The following IGSF21 variants were observed in gnomAD, a reference collection of about 807,000 sequenced individuals.
IGSF21 encodes immunoglobulin superfamily member 21.
Under a neutral mutation model 46.8 loss-of-function variants are expected in IGSF21, and 28 were observed. That is an observed-to-expected ratio of 0.60 (90% confidence interval 0.44 to 0.82). IGSF21 has a LOEUF of 0.82. IGSF21 is among the 40% of genes least tolerant of loss of function. IGSF21 has a pLI of 0.00. For missense variants in IGSF21, 624 were observed against 665.5 expected, an observed-to-expected ratio of 0.94 and a Z score of 0.69; for synonymous variants, 284 against 273.6, an observed-to-expected ratio of 1.04 and a Z score of -0.38.
At chr1:18,252,286 C>T (rs367928585) in intron 2 of IGSF21, among the ~76,000 whole-genome samples, 9 of 151,930 alleles carry the variant, frequency 5.9e-5, no homozygotes, top group African/African-American at 1.7e-4. Flanking sequence ...CCTGACCTCG[C>T]GATCCACCCA....
chr1:18,134,531 A>G (rs931227688), intron 1 of IGSF21, among the ~76,000 whole-genome samples: 3 of 152,202 alleles, frequency 2.0e-5, no homozygotes, highest in South Asian at 2.1e-4. Context: ...TATCTGAGAC[A>G]TAAGCATTTA....
chr1:18,328,302 C>T (rs753725040), intron 3 of IGSF21, among the ~76,000 whole-genome samples: 2 of 152,156 alleles, frequency 1.3e-5, no homozygotes, highest in Admixed American at 6.5e-5. Flanking sequence ...AGCCTACACT[C>T]GGGCAAAATA....
At chr1:18,259,615 A>G (rs1457990964) in intron 2 of IGSF21, among the ~76,000 whole-genome samples, 2 of 152,150 alleles carry the variant, frequency 1.3e-5, no homozygotes, top group Admixed American at 6.5e-5. Flanking sequence ...TTTCCTCCTG[A>G]CATTTTATAT....
At chr1:18,179,526 T>C (rs1360481746) in intron 1 of IGSF21, among the ~76,000 whole-genome samples, 2 of 152,222 alleles carry the variant, frequency 1.3e-5, no homozygotes, top group Non-Finnish European at 1.5e-5. Context: ...TAATTCTATA[T>C]TCATTATTAT....
At chr1:18,332,306 A>C (rs2085721312) in intron 3 of IGSF21, among the ~76,000 whole-genome samples, 1 of 152,142 alleles carries the variant, frequency 6.6e-6, no homozygotes, top group Non-Finnish European at 1.5e-5. Context: ...CCAGCTACAC[A>C]TGTCTCCTGA....
At chr1:18,250,131 C>CTCCCTCCT (rs2084826214) in intron 2 of IGSF21, among the ~76,000 whole-genome samples, 2 of 141,590 alleles carry the variant, frequency 1.4e-5, no homozygotes, top group African/African-American at 5.2e-5. Context: ...CCCTCCCTCC[C>CTCCCTCCT]TCTCCTGCTC....
chr1:18,287,971 C>G (rs1739111), intron 2 of IGSF21, among the ~76,000 whole-genome samples: 127,734 of 152,108 alleles, frequency 0.84, 53,843 homozygotes, highest in East Asian at 0.97. Context: ...CACAGAAAAA[C>G]AGATGGTCCA....
chr1:18,108,474 G>T (rs1292820417), intron 1 of IGSF21, among the ~76,000 whole-genome samples: 1 of 151,956 alleles, frequency 6.6e-6, no homozygotes, highest in African/African-American at 2.4e-5. Context: ...TGGGCAGAAG[G>T]TGCGGGAGTG....
In IGSF21 at chr1:18,310,685, A is replaced by G. The variant is rs78302226; in HGVS notation, c.305+18698A>G. 6.2e-3 allele frequency among the ~76,000 whole-genome samples: 939 copies of G among 152,322 alleles called. 7 individuals carry two copies. The highest frequency in any genetic ancestry group is 0.021 in the African/African-American group (889 of 41,564). ...GCCAAGGCTGCTGTAACAAAATGCC[A>G]CAAACTGGGAGGCTTAAAACAACAG... On this transcript the variant is annotated intron_variant, in intron 3 of 9. Transcript: ENST00000251296.
Position 18,192,745 on chromosome 1 carries a change from C to T in IGSF21, c.71-35153C>T, listed in dbSNP as rs573858400. On this transcript the variant is annotated intron_variant, in intron 1 of 9. Transcript: ENST00000251296. ...CTTGGTGGACAATAGCCAGTTGCTTCCATACTCTGAGTTTAATTTTGGTTT... is the reference window on the plus strand; with the variant it reads ...CTTGGTGGACAATAGCCAGTTGCTTTCATACTCTGAGTTTAATTTTGGTTT... Among the ~76,000 whole-genome samples, 94 of 152,180 alleles carry T rather than the reference C, an allele frequency of 6.2e-4. 2 individuals are homozygous for T. Among genetic ancestry groups the T allele is most frequent in the Non-Finnish European group, 1.5e-5 (1 of 68,008 alleles).
chr1:18,282,635 TACACACACAC>T (rs10522294), intron 2 of IGSF21, among the ~76,000 whole-genome samples: 6 of 137,646 alleles, frequency 4.4e-5, no homozygotes, highest in East Asian at 4.4e-4. Context: ...TCCCCTTACA[TACACACACAC>T]ACACACACAC....
At chr1:18,315,089 A>G (rs1390009349) in intron 3 of IGSF21, among the ~76,000 whole-genome samples, 1 of 152,038 alleles carries the variant, frequency 6.6e-6, no homozygotes, top group Non-Finnish European at 1.5e-5. Context: ...CTGTGGCTGG[A>G]GTGAAGGGAG....
intron 3 of IGSF21, 44 bp downstream of exon 3, chr1:18,292,031 AG>A (rs1433837814): frequency 6.9e-7 from 1 of 1,439,888 alleles, no homozygotes; most frequent in Non-Finnish European, 9.6e-7. Context: ...GGAAGGGCGG[AG>A]GGATGGGGAG....
At chr1:18,310,844 T>G (rs2085481977) in intron 3 of IGSF21, among the ~76,000 whole-genome samples, 2 of 152,140 alleles carry the variant, frequency 1.3e-5, no homozygotes, top group African/African-American at 2.4e-5. Context: ...CAGCAGTCCT[T>G]GGCATTCGTT....
chr1:18,310,477 G>A (rs1431240281), intron 3 of IGSF21, among the ~76,000 whole-genome samples: 1 of 152,224 alleles, frequency 6.6e-6, no homozygotes, highest in African/African-American at 2.4e-5. Context: ...GACCTTATTA[G>A]TTTATTTACC....
intron 2 of IGSF21, among the ~76,000 whole-genome samples, chr1:18,259,808 C>A (rs897696495): frequency 1.3e-5 from 2 of 152,138 alleles, no homozygotes; most frequent in African/African-American, 2.4e-5. Flanking sequence ...GAGGCCACAG[C>A]ATGTGTAGGC....
chr1:18,255,334 A>G (rs1437486413), intron 2 of IGSF21, among the ~76,000 whole-genome samples: 1 of 152,130 alleles, frequency 6.6e-6, no homozygotes, highest in Non-Finnish European at 1.5e-5. Flanking sequence ...TCCAAGCAGG[A>G]TGGTTTTTGT....
At chr1:18,226,420 A>G (rs1261372440) in intron 1 of IGSF21, among the ~76,000 whole-genome samples, 1 of 152,140 alleles carries the variant, frequency 6.6e-6, no homozygotes, top group African/African-American at 2.4e-5. Flanking sequence ...GGAAAGGAGG[A>G]TCCGGGTTGG....
At chr1:18,280,382 G>T (rs1398980201) in intron 2 of IGSF21, among the ~76,000 whole-genome samples, 3 of 152,054 alleles carry the variant, frequency 2.0e-5, no homozygotes, top group Non-Finnish European at 2.9e-5. Flanking sequence ...GCAGCCAGGG[G>T]GATTTCTCTG....
Sources: allele counts gnomAD v4.1 joint callset (sites outside exome capture counted in the v4.1 genomes callset), GRCh38; gene constraint gnomAD v4.1.1; transcripts MANE v1.5; gene names NCBI Gene and HGNC (gene_info 2026-07-23, HGNC 2026-07-21).